Variants in RSU1 observed in about 807,000 individuals in gnomAD.
RSU1 encodes Ras suppressor protein 1, also known as rsu-1.
A neutral mutation model predicts 31.1 loss-of-function variants in RSU1; 26 were observed. The observed-to-expected ratio is 0.84, with a 90% CI of 0.61 to 1.16. RSU1 has a LOEUF of 1.16. Ranked by LOEUF, RSU1 falls within the 50% of genes most tolerant of loss-of-function variation. The pLI is 0.00. For missense variants in RSU1, 320 were observed against 339.1 expected, an observed-to-expected ratio of 0.94 and a Z score of 0.44; for synonymous variants, 164 against 136.3, an observed-to-expected ratio of 1.20 and a Z score of -1.41.
chr10:16,789,848 G>C (rs544172837), intron 2 of RSU1, among the ~76,000 whole-genome samples: 1 of 152,302 alleles, frequency 6.6e-6, no homozygotes, highest in African/African-American at 2.4e-5. Context: ...ACTATGCTTT[G>C]CCCGGGCATT....
intron 2 of RSU1, among the ~76,000 whole-genome samples, chr10:16,799,718 G>A (rs536108004): frequency 1.3e-5 from 2 of 152,302 alleles, no homozygotes; most frequent in East Asian, 1.9e-4. Context: ...TTAACAAACA[G>A]AGAAATGATT....
chr10:16,716,798 G>A (rs1362523036), intron 7 of RSU1, among the ~76,000 whole-genome samples: 1 of 152,180 alleles, frequency 6.6e-6, no homozygotes, highest in Non-Finnish European at 1.5e-5. Context: ...TCTAAAATAT[G>A]TAATAGGAGG....
intron 7 of RSU1, among the ~76,000 whole-genome samples, chr10:16,713,000 C>T (rs1386205984): frequency 3.3e-5 from 5 of 152,168 alleles, no homozygotes; most frequent in African/African-American, 4.8e-5. Context: ...CTCCTCCCCA[C>T]AAGCCCCCCT....
chr10:16,613,637 C>CT (rs1833929519), intron 8 of RSU1, among the ~76,000 whole-genome samples: 1 of 152,192 alleles, frequency 6.6e-6, no homozygotes, highest in African/African-American at 2.4e-5. Context: ...GCAGACTTGG[C>CT]TGGGAATGTT....
Position 16,641,353 on chromosome 10 carries a change from G to T in RSU1, c.732-47857C>A, listed in dbSNP as rs185112748. Among the ~76,000 whole-genome samples, 277 of 152,118 alleles carry T rather than the reference G, an allele frequency of 1.8e-3. 1 individual carries two copies. The highest frequency in any genetic ancestry group is 6.4e-3 in the African/African-American group (266 of 41,496). On this transcript the variant is annotated intron_variant, in intron 8 of 8. Transcript: ENST00000345264. ...TAAAAATACAAAAAATTAACCGGGC[G>T]TGGTGACAGGCACCTGTAGTCCCAG...
intron 7 of RSU1, among the ~76,000 whole-genome samples, chr10:16,734,153 T>C (rs903810837): frequency 5.9e-5 from 9 of 152,240 alleles, no homozygotes; most frequent in Non-Finnish European, 1.2e-4. Flanking sequence ...TCATGATTTG[T>C]CTCACATTGC....
chr10:16,813,141 T>G (rs1838444723), intron 2 of RSU1, among the ~76,000 whole-genome samples: 1 of 152,128 alleles, frequency 6.6e-6, no homozygotes, highest in African/African-American at 2.4e-5. Context: ...TTTTTTAATT[T>G]TTTGTAGAGA....
intron 8 of RSU1, among the ~76,000 whole-genome samples, chr10:16,594,020 A>T (rs964903930): frequency 1.3e-5 from 2 of 152,256 alleles, no homozygotes; most frequent in Non-Finnish European, 2.9e-5. Flanking sequence ...ATGCTGACAA[A>T]GTGCCCTATA....
chr10:16,594,000 C>A (rs1021630021), intron 8 of RSU1, among the ~76,000 whole-genome samples: 47 of 152,332 alleles, frequency 3.1e-4, no homozygotes, highest in African/African-American at 9.9e-4. Context: ...TAATAAGTAC[C>A]GCTGATTAAA....
intron 3 of RSU1, among the ~76,000 whole-genome samples, chr10:16,777,504 T>C (rs1218662481): frequency 1.3e-5 from 2 of 152,164 alleles, no homozygotes; most frequent in African/African-American, 2.4e-5. Flanking sequence ...TAAGCAGCAA[T>C]AGCAACATGC....
In RSU1 at chr10:16,817,315, C is replaced by G. The variant is rs1838565372; in HGVS notation, c.-4G>C. ...CAAGTGCAACACCGCACACACTCAC[C>G]ACGGAAGGTAGCCCCTAAGACGATG... is the stretch of plus-strand genomic sequence containing the variant. On this transcript the variant is annotated splice_region_variant and 5_prime_UTR_variant, in exon 1 of 9. Transcript: ENST00000345264. 2 of 525,194 alleles carry G rather than the reference C, an allele frequency of 3.8e-6. No homozygotes were observed. Among genetic ancestry groups the G allele is most frequent in the Non-Finnish European group, 6.8e-6 (2 of 292,018 alleles). 32.5% of individuals were successfully genotyped at this position (525,194 alleles called of 1,614,324 possible). A position where few individuals can be genotyped will look rare whatever the true frequency, so the allele number is the denominator to read the frequency against.
rs143845148 is a variant in RSU1, at chr10:16,799,984, A to G, written c.109+16989T>C. Among the ~76,000 whole-genome samples the G allele has an allele frequency of 8.7e-3, 1,328 of 152,286 alleles. 11 individuals are homozygous for G. Among genetic ancestry groups the G allele is most frequent in the Middle Eastern group, 0.041 (12 of 294 alleles). ...TCATCAGAAGGGGTCCTATAAAATA[A>G]TACGGAATTACGGCAGAAGTTCAAG... On this transcript the variant is annotated intron_variant, in intron 2 of 8. Coordinates refer to ENST00000345264, the MANE Select transcript of RSU1 (RefSeq NM_012425.4).
chr10:16,749,040 C>T (rs1402431782), intron 7 of RSU1, among the ~76,000 whole-genome samples: 1 of 152,064 alleles, frequency 6.6e-6, no homozygotes, highest in Non-Finnish European at 1.5e-5. Context: ...TCTTACTTTA[C>T]CGGAAAAGGC....
chr10:16,646,063 C>T (rs56777463), intron 8 of RSU1, among the ~76,000 whole-genome samples: 782 of 5,192 alleles, frequency 0.15, 123 homozygotes, highest in Middle Eastern at 1. Flanking sequence ...TATATATATA[C>T]ACACACACAC....
intron 3 of RSU1, among the ~76,000 whole-genome samples, chr10:16,772,609 C>A (rs1388403528): frequency 2.3e-5 from 2 of 88,292 alleles, no homozygotes; most frequent in Admixed American, 1.5e-4. Flanking sequence ...TAGAAAATTC[C>A]AAAACACTGG....
At chr10:16,766,230 G>C (rs1837311981) in intron 3 of RSU1, among the ~76,000 whole-genome samples, 1 of 152,198 alleles carries the variant, frequency 6.6e-6, no homozygotes, top group African/African-American at 2.4e-5. Flanking sequence ...GTTGATAAAA[G>C]AACAAGTTTT....
intron 7 of RSU1, among the ~76,000 whole-genome samples, chr10:16,737,138 A>G (rs1836643813): frequency 6.6e-6 from 1 of 152,068 alleles, no homozygotes; most frequent in African/African-American, 2.4e-5. Context: ...AAGTTCTAGG[A>G]GAGGAGAGAG....
intron 8 of RSU1, among the ~76,000 whole-genome samples, chr10:16,663,926 G>T (rs1834936887): frequency 6.6e-6 from 1 of 152,122 alleles, no homozygotes; most frequent in South Asian, 2.1e-4. Context: ...AAAGAGTGCT[G>T]GGTAGTAGTG....
intron 8 of RSU1, among the ~76,000 whole-genome samples, chr10:16,682,746 T>A (rs1002429276): frequency 5.9e-5 from 9 of 152,100 alleles, no homozygotes; most frequent in Non-Finnish European, 1.2e-4. Context: ...GAACCCTCTC[T>A]TGGGGTCTGG....
Sources: gnomAD v4.1 joint callset for allele counts (sites outside exome capture counted in the v4.1 genomes callset) on GRCh38, gnomAD v4.1.1 for gene constraint, MANE v1.5 for transcripts, NCBI Gene and HGNC (gene_info 2026-07-23, HGNC 2026-07-21) for gene names.